Variants in MDN1 observed in about 807,000 individuals in gnomAD.
MDN1 encodes the protein midasin.
MDN1 carries 266 observed loss-of-function variants against 669.2 expected under a neutral mutation model. That is an observed-to-expected ratio of 0.40 (90% CI 0.36 to 0.44). The LOEUF (loss-of-function observed/expected upper bound fraction) is 0.44, where lower values mean the gene tolerates loss of function less well. Ranked by LOEUF, MDN1 falls within the 20% of genes least tolerant of loss-of-function variation. MDN1 has a pLI of 1.00. For synonymous variants in MDN1, 2,385 were observed against 2,457.1 expected (o/e 0.97, Z 0.87); for missense variants, 5,940 against 6,754.0 (o/e 0.88, Z 4.22).
Position 89,683,885 on chromosome 6 carries a change from T to C in MDN1, c.11849A>G (p.Lys3950Arg), listed in dbSNP as rs550199712. 53 of 1,613,054 alleles carry C rather than the reference T, an allele frequency of 3.3e-5. 1 individual carries two copies. The South Asian group carries it at 5.4e-4, about 16-fold the overall frequency. The change falls in exon 72 of 102, where the codon AAG (lysine) becomes AGG (arginine). Residue 3950 changes from lysine to arginine, a missense_variant. Physicochemically the swap from Lys to Arg is conservative, Grantham distance 26. This residue lies in a region of MDN1 where 2,280 missense variants were observed against 2,576.3 expected (regional missense o/e 0.88). Transcript: ENST00000369393. ...GGACCAGAAGCTGACATCATTCCACTTGGAAATCTTAACAAATTCCTGTAA... is the reference window on the plus strand; with the variant it reads ...GGACCAGAAGCTGACATCATTCCACCTGGAAATCTTAACAAATTCCTGTAA... ...KELKEFVKIS[K>R]WNDVSFWSIK...
At position 89,684,418 on chromosome 6, in the gene MDN1, C is replaced by G. The variant is rs139006394; in HGVS notation, c.11829+458G>C. On this transcript the variant is annotated intron_variant, in intron 71 of 101. Transcript: ENST00000369393. ...AAAAAAAAAAAAAAAAAGAGTGCTG[C>G]TACAGTCATTAAGTCACCTGACATA... 2.1e-3 allele frequency among the ~76,000 whole-genome samples: 325 copies of G among 151,358 alleles called. 1 individual carries two copies. Among genetic ancestry groups the G allele is most frequent in the African/African-American group, 7.6e-3 (313 of 41,240 alleles).
chr6:89,652,141 CA>C (rs750373033), intron 95 of MDN1, 50 bp downstream of exon 95: 608 of 1,460,746 alleles, frequency 4.2e-4, no homozygotes, highest in Middle Eastern at 1.1e-3. Context: ...GTTGAACAAA[CA>C]AAAAAAAAGT....
At position 89,643,147 on chromosome 6, in the gene MDN1, C is replaced by A. The variant is rs1469231033; in HGVS notation, c.*858G>T. 6.6e-6 allele frequency: 1 copy of A among 152,126 alleles called. No homozygotes were observed. Among genetic ancestry groups the A allele is most frequent in the African/African-American group, 2.4e-5 (1 of 41,430 alleles). 9.4% of individuals were successfully genotyped at this position (152,126 alleles called of 1,614,324 possible). On this transcript the variant is annotated 3_prime_UTR_variant, in exon 102 of 102. Transcript: ENST00000369393. ...CTGCTGAGTTCTGGACACAGCGTTTCTTTCCCAGAATGAGACTGGCTCAGT... is the reference window on the plus strand; with the variant it reads ...CTGCTGAGTTCTGGACACAGCGTTTATTTCCCAGAATGAGACTGGCTCAGT...
At chr6:89,785,177 C>CAGAGGCACAATTCAGGA in intron 8 of MDN1, 51 bp from the exon 9 acceptor site, 2 of 1,220,096 alleles carry the variant, frequency 1.6e-6, no homozygotes, top group Non-Finnish European at 2.4e-6. Flanking sequence ...AATTTTAATC[C>CAGAGGCACAATTCAGGA]TGAATTGTGC....
At chr6:89,693,900 C>G (rs1344653204) in intron 62 of MDN1, among the ~76,000 whole-genome samples, 174 bp downstream of exon 62, 1 of 152,194 alleles carries the variant, frequency 6.6e-6, no homozygotes, top group African/African-American at 2.4e-5. Context: ...GAATAGCCCC[C>G]CTCTCCTCCT....
At chr6:89,725,930 TACACACAC>T (rs71024397) in intron 37 of MDN1, among the ~76,000 whole-genome samples, 36,786 of 147,352 alleles carry the variant, frequency 0.25, 4,720 homozygotes, top group Non-Finnish European at 0.3. Flanking sequence ...TGGTATTTTA[TACACACAC>T]ACACACACAC....
Position 89,718,368 on chromosome 6 carries a change from G to A in MDN1, c.6581C>T (p.Ala2194Val). ...TACAGAGATCCAAATATACATACCT[G>A]CCTTGCAGTATGAGTTGATTTTATT... The part of the protein sequence containing the change: ...LNNKINSYCK[A>V]EFAKLVEEFR... Residue 2194 changes from alanine (A) to valine (V), a missense_variant and splice_region_variant, in exon 43 of 102, where the codon GCA becomes GTA. This residue lies in a region of MDN1 where 2,292 missense variants were observed against 2,638.3 expected (regional missense o/e 0.87). Coordinates refer to ENST00000369393, the MANE Select transcript of MDN1 (RefSeq NM_014611.3). 1 of 1,613,168 alleles carries A rather than the reference G, an allele frequency of 6.2e-7. No individual in the cohort carries two copies. The highest frequency in any genetic ancestry group is 8.5e-7 in the Non-Finnish European group (1 of 1,179,796).
chr6:89,761,056 C>G (rs1457172269), intron 17 of MDN1, among the ~76,000 whole-genome samples: 1 of 152,164 alleles, frequency 6.6e-6, no homozygotes, highest in Non-Finnish European at 1.5e-5. Flanking sequence ...GTCCCAGCTA[C>G]TCAGGAGGCT....
chr6:89,720,669 T>C (rs1433242453), intron 40 of MDN1, among the ~76,000 whole-genome samples: 1 of 152,224 alleles, frequency 6.6e-6, no homozygotes, highest in Non-Finnish European at 1.5e-5. Context: ...TGGTCATAAT[T>C]AATATACTAT....
In MDN1 at chr6:89,645,097, T is replaced by C. The variant is rs758580316; in HGVS notation, c.16520A>G (p.Glu5507Gly). 5.0e-6 allele frequency: 8 copies of C among 1,612,288 alleles called. No individual in the cohort carries two copies. Among genetic ancestry groups the C allele is most frequent in the Middle Eastern group, 1.6e-4 (1 of 6,084 alleles). ...AGCCTGAACTGCTGCCAGGACTCTT[T>C]CTTTGCCCTCAAGGAAAAGGCCTCG... ...DGRGLFLEGK[E>G]RVLAAVQAAR... The change falls in exon 101 of 102, where the codon GAA becomes GGA. Residue 5507 changes from glutamate (E) to glycine (G), a missense_variant. Transcript: ENST00000369393.
intron 11 of MDN1, among the ~76,000 whole-genome samples, chr6:89,777,792 AT>A (rs1818430040): frequency 6.6e-6 from 1 of 151,984 alleles, no homozygotes; most frequent in South Asian, 2.1e-4. Flanking sequence ...ATACAAGACC[AT>A]TTTCCACATC....
intron 17 of MDN1, among the ~76,000 whole-genome samples, chr6:89,759,188 A>G (rs1817409744): frequency 6.6e-6 from 1 of 152,220 alleles, no homozygotes. Flanking sequence ...GAGATGCAAT[A>G]AACTAAATCC....
rs1384288157 is a variant in MDN1 at position 89,727,839 on chromosome 6, C to A, written c.5466G>T (p.Leu1822Phe). 1 of 1,613,772 alleles carries A rather than the reference C, an allele frequency of 6.2e-7. No homozygotes were observed. The highest frequency in any genetic ancestry group is 8.5e-7 in the Non-Finnish European group (1 of 1,179,894). Residue 1822 changes from leucine to phenylalanine, a missense_variant, in exon 37 of 102, where the codon TTG becomes TTT. This residue lies in a region of MDN1 where 2,292 missense variants were observed against 2,638.3 expected (regional missense o/e 0.87). Transcript: ENST00000369393. ...AALKAGHWVV[L>F]DELNLASQSV... ...TGACAAACAGGCCCCTCACCTCATCCAACACCACCCAATGGCCTGCCTTCA... is the reference window on the plus strand; with the variant it reads ...TGACAAACAGGCCCCTCACCTCATCAAACACCACCCAATGGCCTGCCTTCA...
At chr6:89,744,640 T>C (rs1816491726) in intron 29 of MDN1, among the ~76,000 whole-genome samples, 1 of 152,032 alleles carries the variant, frequency 6.6e-6, no homozygotes, top group Non-Finnish European at 1.5e-5. Context: ...TGAGCTCAAG[T>C]GATCCGCCTG....
intron 95 of MDN1, among the ~76,000 whole-genome samples, chr6:89,651,443 C>T (rs1338947180): frequency 1.3e-5 from 2 of 151,880 alleles, no homozygotes; most frequent in Admixed American, 6.6e-5. Context: ...GGTGAAACCC[C>T]GTCTCTACTA....
At chr6:89,663,126 T>G (rs1809925743) in intron 85 of MDN1, among the ~76,000 whole-genome samples, 159 bp from the exon 86 acceptor site, 1 of 152,212 alleles carries the variant, frequency 6.6e-6, no homozygotes, top group South Asian at 2.1e-4. Context: ...TTAGATCTAC[T>G]GACATAGTCT....
At chr6:89,704,338 C>T (rs914567441) in intron 53 of MDN1, among the ~76,000 whole-genome samples, 12 of 152,112 alleles carry the variant, frequency 7.9e-5, no homozygotes, top group Non-Finnish European at 1.2e-4. Context: ...GCTGAGATCA[C>T]GCCATTGCAT....
rs746038634 is a variant in MDN1, at chr6:89,680,644, C to T, written c.12210G>A (p.Thr4070=). Residue 4070 remains threonine (T), a synonymous_variant, in exon 74 of 102, where the codon ACG becomes ACA. Coordinates refer to ENST00000369393, the MANE Select transcript of MDN1 (RefSeq NM_014611.3). ...LRKRMRKMCL[T]FMKESPLPRL... ...GAGGCAGGGGGCTCTCCTTCATGAA[C>T]GTCAGGCACATCTTCCTCATGCGTT... The T allele has an allele frequency of 1.2e-5, 19 of 1,614,058 alleles. No individual in the cohort carries two copies. Among genetic ancestry groups the T allele is most frequent in the East Asian group, 6.7e-5 (3 of 44,888 alleles).
Position 89,690,853 on chromosome 6 carries a change from G to A in MDN1, c.10588-19C>T. On this transcript the variant is annotated intron_variant, in intron 63 of 101. Coordinates refer to ENST00000369393, the MANE Select transcript of MDN1 (RefSeq NM_014611.3). Reference sequence around the variant, plus strand: ...TGATTTCCTGAAAGTCACACAGACAGAAAGAAGCTGAGCTTTCTTTGCTGA... The same window carrying A: ...TGATTTCCTGAAAGTCACACAGACAAAAAGAAGCTGAGCTTTCTTTGCTGA... The A allele has an allele frequency of 6.2e-7, 1 of 1,611,248 alleles. No individual in the cohort carries two copies. Among genetic ancestry groups the A allele is most frequent in the South Asian group, 1.1e-5 (1 of 90,344 alleles).
Sources: gnomAD v4.1 joint callset for allele counts (sites outside exome capture counted in the v4.1 genomes callset) on GRCh38, gnomAD v4.1.1 for gene constraint, gnomAD v4.1.1 regional missense constraint, MANE v1.5 for transcripts, NCBI Gene and HGNC (gene_info 2026-07-23, HGNC 2026-07-21) for gene names.